Variants in ZFHX3 observed in about 807,000 individuals in gnomAD.
ZFHX3 encodes the protein zinc finger homeobox protein 3.
In ZFHX3, 42 loss-of-function variants were observed where a neutral mutation model predicts 279.1. That is an observed-to-expected ratio of 0.15 (90% CI 0.12 to 0.19). The LOEUF is 0.19. Among genes scored for constraint, ZFHX3 ranks in the 10% least tolerant of loss-of-function variants. The pLI is 1.00. For synonymous variants in ZFHX3, 2,293 were observed against 1,957.8 expected (o/e 1.17, Z -4.52); for missense variants, 4,981 against 4,754.0 (o/e 1.05, Z -1.40).
chr16:73,518,277 C>T (rs2143701449), intron 2 of ZFHX3, among the ~76,000 whole-genome samples: 1 of 152,302 alleles, frequency 6.6e-6, no homozygotes, highest in African/African-American at 2.4e-5. Flanking sequence ...ACTCAGCATA[C>T]AGTGTTTAGA....
chr16:73,260,592 G>A (rs931404895), intron 4 of ZFHX3, among the ~76,000 whole-genome samples: 2 of 151,672 alleles, frequency 1.3e-5, no homozygotes, highest in Non-Finnish European at 2.9e-5. Context: ...GTCCTGGAAT[G>A]GGCCATTTTC....
intron 1 of ZFHX3, among the ~76,000 whole-genome samples, chr16:73,801,767 C>A (rs111897596): frequency 1.1e-4 from 16 of 152,114 alleles, no homozygotes; most frequent in Non-Finnish European, 2.2e-4. Context: ...TTTTTATATG[C>A]GAGTGTGGTC....
intron 4 of ZFHX3, among the ~76,000 whole-genome samples, chr16:73,275,920 T>C (rs2014283377): frequency 6.6e-6 from 1 of 152,146 alleles, no homozygotes; most frequent in Non-Finnish European, 1.5e-5. Flanking sequence ...CTTTTGAGCT[T>C]TATTCTATGG....
At chr16:73,663,137 G>A (rs932732336) in intron 2 of ZFHX3, among the ~76,000 whole-genome samples, 11 of 152,216 alleles carry the variant, frequency 7.2e-5, no homozygotes, top group Non-Finnish European at 1.3e-4. Flanking sequence ...GATTTGTAGC[G>A]TCTTGACAGA....
intron 2 of ZFHX3, among the ~76,000 whole-genome samples, chr16:73,541,803 T>C (rs2020019825): frequency 7.2e-6 from 1 of 138,090 alleles, no homozygotes; most frequent in Non-Finnish European, 1.5e-5. Context: ...TTTTTTTTTT[T>C]TTTTTTTTTT....
At chr16:73,524,399 T>A (rs992358431) in intron 2 of ZFHX3, among the ~76,000 whole-genome samples, 3 of 152,176 alleles carry the variant, frequency 2.0e-5, no homozygotes, top group African/African-American at 7.2e-5. Flanking sequence ...TCGTAAAACA[T>A]CAACTGAAGT....
chr16:72,876,040 G>A (rs1377685208), intron 4 of ZFHX3, among the ~76,000 whole-genome samples: 2 of 152,100 alleles, frequency 1.3e-5, no homozygotes, highest in African/African-American at 4.8e-5. Flanking sequence ...TAGCATCCTG[G>A]TTACTCAGTT....
At chr16:72,991,000 A>G (rs1336463459) in intron 1 of ZFHX3, among the ~76,000 whole-genome samples, 1 of 152,068 alleles carries the variant, frequency 6.6e-6, no homozygotes, top group Non-Finnish European at 1.5e-5. Context: ...ATTAAAAAAA[A>G]AAAAAGAGAG....
Position 72,950,595 on chromosome 16 carries a change from C to A in ZFHX3, c.3090G>T (p.Lys1030Asn). ...GCACGGGGTTGCCGATGGCCACACACTTGAGCCTCCACTCGTTGGCCTTGC... is the reference window on the plus strand; with the variant it reads ...GCACGGGGTTGCCGATGGCCACACAATTGAGCCTCCACTCGTTGGCCTTGC... ...EGGKANEWRLKCVAIGNPVHL... is the reference protein window; with the variant it reads ...EGGKANEWRLNCVAIGNPVHL... Residue 1030 changes from lysine to asparagine, a missense_variant, in exon 3 of 10, where the codon AAG becomes AAT. This residue lies in a region of ZFHX3 where 1,751 missense variants were observed against 1,770.0 expected (regional missense o/e 0.99). Coordinates refer to ENST00000268489, the MANE Select transcript of ZFHX3 (RefSeq NM_006885.4). 6.2e-7 allele frequency: 1 copy of A among 1,614,232 alleles called. No homozygotes were observed. The highest frequency in any genetic ancestry group is 8.5e-7 in the Non-Finnish European group (1 of 1,180,046).
chr16:73,208,930 T>C (rs1374272820), intron 5 of ZFHX3, among the ~76,000 whole-genome samples: 1 of 152,228 alleles, frequency 6.6e-6, no homozygotes, highest in South Asian at 2.1e-4. Flanking sequence ...ATTAATAATA[T>C]GTATCATCCT....
chr16:73,109,512 T>A (rs1316701996), intron 7 of ZFHX3, among the ~76,000 whole-genome samples: 1 of 151,054 alleles, frequency 6.6e-6, no homozygotes, highest in Non-Finnish European at 1.5e-5. Context: ...ACAGGTTACG[T>A]GGCTCCTGCG....
intron 2 of ZFHX3, among the ~76,000 whole-genome samples, chr16:73,587,205 A>G (rs913350219): frequency 2.0e-5 from 3 of 152,356 alleles, no homozygotes; most frequent in African/African-American, 7.2e-5. Context: ...TTCACAAATT[A>G]CAATTTGAGA....
chr16:72,980,822 C>G (rs896307127), intron 1 of ZFHX3, among the ~76,000 whole-genome samples: 1 of 152,112 alleles, frequency 6.6e-6, no homozygotes, highest in African/African-American at 2.4e-5. Flanking sequence ...AGCATGATAT[C>G]GTTGGCTTCA....
intron 3 of ZFHX3, among the ~76,000 whole-genome samples, chr16:73,433,676 C>G (rs960237072): frequency 3.3e-5 from 5 of 152,186 alleles, no homozygotes; most frequent in Non-Finnish European, 5.9e-5. Flanking sequence ...CTTTCTTTGC[C>G]TCTGTGTGTC....
chr16:73,682,111 C>T (rs1341310177), intron 1 of ZFHX3, among the ~76,000 whole-genome samples: 1 of 152,128 alleles, frequency 6.6e-6, no homozygotes, highest in Non-Finnish European at 1.5e-5. Context: ...TTATTTAGAA[C>T]TTAGGCTCTG....
At chr16:73,610,742 T>G (rs889061646) in intron 2 of ZFHX3, among the ~76,000 whole-genome samples, 4 of 152,222 alleles carry the variant, frequency 2.6e-5, no homozygotes, top group African/African-American at 9.6e-5. Flanking sequence ...AGAAAGGGAT[T>G]GTTACATATC....
chr16:73,530,213 A>G (rs73600984), intron 2 of ZFHX3, among the ~76,000 whole-genome samples: 4,338 of 152,214 alleles, frequency 0.028, 218 homozygotes, highest in African/African-American at 0.097. Context: ...CTTATAAAAT[A>G]ATCAGATCTC....
chr16:73,014,707 A>G (rs1398811887), intron 1 of ZFHX3, among the ~76,000 whole-genome samples: 1 of 151,178 alleles, frequency 6.6e-6, no homozygotes, highest in Non-Finnish European at 1.5e-5. Flanking sequence ...TTGTATTTTT[A>G]GTAGAGAAGG....
At chr16:73,495,926 T>C (rs761729015) in intron 2 of ZFHX3, among the ~76,000 whole-genome samples, 84 of 152,226 alleles carry the variant, frequency 5.5e-4, no homozygotes, top group Admixed American at 4.6e-4. Context: ...TCTTTCCTAT[T>C]GTGGGTTACA....
Sources: allele counts gnomAD v4.1 joint callset (sites outside exome capture counted in the v4.1 genomes callset), GRCh38; gene constraint gnomAD v4.1.1; regional missense constraint gnomAD v4.1.1; transcripts MANE v1.5; gene names NCBI Gene and HGNC (gene_info 2026-07-23, HGNC 2026-07-21).